The following RNMT variants were observed in gnomAD, a reference collection of about 807,000 sequenced individuals.
The protein encoded by RNMT is RNA guanine-7 methyltransferase.
Under a neutral mutation model 56.0 loss-of-function variants are expected in RNMT, and 27 were observed. The observed-to-expected ratio is 0.48, with a 90% CI of 0.36 to 0.67. The LOEUF is 0.67. Ranked by LOEUF, RNMT falls within the 30% of genes least tolerant of loss-of-function variation. The pLI is 0.00. For synonymous variants in RNMT, 184 were observed against 176.2 expected, an observed-to-expected ratio of 1.04 and a Z score of -0.35; for missense variants, 519 against 552.1, an observed-to-expected ratio of 0.94 and a Z score of 0.60.
At chr18:13,733,227 T>A (rs1334258690) in intron 3 of RNMT, among the ~76,000 whole-genome samples, 2 of 151,944 alleles carry the variant, frequency 1.3e-5, no homozygotes, top group African/African-American at 2.4e-5. Context: ...AAAAGGGAGG[T>A]AGGAGGATCC....
Position 13,761,856 on chromosome 18 carries a change from C to CCCCCCCCCCCCCCCCAG in RNMT, c.*1877_*1878insCCCCCCCCCCCCCCCAG. The CCCCCCCCCCCCCCCCAG allele has an allele frequency of 9.0e-7, 1 of 1,109,872 alleles. No individual in the cohort carries two copies. The highest frequency in any genetic ancestry group is 2.8e-5 in the South Asian group (1 of 35,808). The allele number at this position is 1,109,872 out of a possible 1,614,324, so 68.8% of individuals were successfully genotyped here. On this transcript the variant is annotated 3_prime_UTR_variant, in exon 12 of 12. Transcript: ENST00000383314. ...CCACCACCCTACACCCCCCTCCCCC[C>CCCCCCCCCCCCCCCCAG]GGCCCCAAGCCCCTGTGTCTCCTTG...
In RNMT at chr18:13,745,083, C is replaced by G. The variant is rs562967031; in HGVS notation, c.1140-1137C>G. Among the ~76,000 whole-genome samples the G allele has an allele frequency of 6.6e-5, 10 of 152,206 alleles. 1 individual carries two copies. The South Asian group carries it at 2.1e-3, about 32-fold the overall frequency. Reference sequence around the variant, plus strand: ...GTGTGAGGGCCCAGCAGTGGGAAAGCTAGGCTAGTCCAAGATGTTGAAAGA... The same window carrying G: ...GTGTGAGGGCCCAGCAGTGGGAAAGGTAGGCTAGTCCAAGATGTTGAAAGA... On this transcript the variant is annotated intron_variant, in intron 8 of 11. Transcript: ENST00000383314.
In RNMT at chr18:13,760,082, T is replaced by C; in HGVS notation, c.*103T>C. ...TTTCTCTGTCTGTTGATTTTAATTC[T>C]AAATGTGCAGGATGCTGCCAGAAAC... On this transcript the variant is annotated 3_prime_UTR_variant, in exon 12 of 12. Transcript: ENST00000383314. 6.6e-7 allele frequency: 1 copy of C among 1,509,774 alleles called. No individual in the cohort carries two copies. The highest frequency in any genetic ancestry group is 1.3e-5 in the South Asian group (1 of 74,596). The allele number at this position is 1,509,774 out of a possible 1,614,324, so 93.5% of individuals were successfully genotyped here. A position where few individuals can be genotyped will look rare whatever the true frequency, so the allele number is the denominator to read the frequency against.
In RNMT at chr18:13,760,985, A is replaced by G; in HGVS notation, c.*1006A>G. On this transcript the variant is annotated 3_prime_UTR_variant, in exon 12 of 12. Transcript: ENST00000383314. The stretch of plus-strand genomic sequence containing the variant: ...ACTGTTGTCCTTGCTTTACACCACC[A>G]TTTGGAAAACTTACCAGTTTTTAGA... 4.1e-6 allele frequency: 4 copies of G among 985,426 alleles called. No homozygotes were observed. The highest frequency in any genetic ancestry group is 4.8e-6 in the Non-Finnish European group (4 of 829,912). 61.0% of individuals were successfully genotyped at this position (985,426 alleles called of 1,614,324 possible). A position where few individuals can be genotyped will look rare whatever the true frequency, so the allele number is the denominator to read the frequency against.
chr18:13,761,617 A>G lies in RNMT; in HGVS notation c.*1638A>G. ...AAACGATGGAGTAGCCAGTGGTAAT[A>G]CAAAGCAGGGAGAACAGAAAGGTAG... On this transcript the variant is annotated 3_prime_UTR_variant, in exon 12 of 12. Coordinates refer to ENST00000383314, the MANE Select transcript of RNMT (RefSeq NM_003799.3). 1 of 999,424 alleles carries G rather than the reference A, an allele frequency of 1.0e-6. No homozygotes were observed. The highest frequency in any genetic ancestry group is 1.2e-6 in the Non-Finnish European group (1 of 838,136). The allele number at this position is 999,424 out of a possible 1,614,324, so 61.9% of individuals were successfully genotyped here. A position where few individuals can be genotyped will look rare whatever the true frequency, so the allele number is the denominator to read the frequency against.
chr18:13,749,044 A>C (rs959817294), intron 9 of RNMT, among the ~76,000 whole-genome samples: 1 of 152,150 alleles, frequency 6.6e-6, no homozygotes, highest in Non-Finnish European at 1.5e-5. Flanking sequence ...ACGCCACTGC[A>C]CTCCAGCCTG....
At chr18:13,733,042 TGAG>T (rs1229694943) in intron 3 of RNMT, among the ~76,000 whole-genome samples, 7 of 152,142 alleles carry the variant, frequency 4.6e-5, no homozygotes, top group Non-Finnish European at 1.0e-4. Flanking sequence ...ATTACAGGCA[TGAG>T]CCACTGCGCC....
At chr18:13,752,645 A>G (rs1056378510) in intron 10 of RNMT, among the ~76,000 whole-genome samples, 2 of 152,224 alleles carry the variant, frequency 1.3e-5, no homozygotes, top group Non-Finnish European at 2.9e-5. Flanking sequence ...TAAGGCAATG[A>G]GGACAGTGAA....
intron 6 of RNMT, 83 bp from the exon 7 acceptor site, chr18:13,741,427 C>T (rs954156164): frequency 2.3e-6 from 2 of 851,822 alleles, no homozygotes; most frequent in African/African-American, 1.7e-5. Context: ...AAGAACCTTA[C>T]ATTCTAGAAG....
chr18:13,729,787 A>T (rs964833695), intron 1 of RNMT, among the ~76,000 whole-genome samples: 1 of 151,324 alleles, frequency 6.6e-6, no homozygotes, highest in Non-Finnish European at 1.5e-5. Flanking sequence ...TTAAGCACAA[A>T]CACTTCCTTC....
intron 9 of RNMT, among the ~76,000 whole-genome samples, chr18:13,750,035 C>T (rs971387229): frequency 6.6e-6 from 1 of 152,126 alleles, no homozygotes; most frequent in Non-Finnish European, 1.5e-5. Context: ...GCTGGGGTTA[C>T]AGCATGAGCT....
chr18:13,728,426 C>T (rs2044010415), intron 1 of RNMT, among the ~76,000 whole-genome samples: 1 of 148,096 alleles, frequency 6.8e-6, no homozygotes, highest in South Asian at 2.1e-4. Flanking sequence ...ACCTCCACCT[C>T]CCGGGTTCAA....
intron 3 of RNMT, among the ~76,000 whole-genome samples, chr18:13,734,132 G>T (rs891249987): frequency 6.6e-6 from 1 of 152,076 alleles, no homozygotes; most frequent in East Asian, 1.9e-4. Flanking sequence ...CTTGCCTGCC[G>T]CCATGTAAGA....
In RNMT at chr18:13,741,492, C is replaced by G; in HGVS notation, c.793-18C>G. The G allele has an allele frequency of 6.3e-7, 1 of 1,593,300 alleles. No individual in the cohort carries two copies. The highest frequency in any genetic ancestry group is 8.6e-7 in the Non-Finnish European group (1 of 1,165,468). ...TTGTAGTTACCTCACAATCTTAACTCATTTTAATTTGTTTCAGGAACTTCT... is the reference window on the plus strand; with the variant it reads ...TTGTAGTTACCTCACAATCTTAACTGATTTTAATTTGTTTCAGGAACTTCT... On this transcript the variant is annotated intron_variant, in intron 6 of 11. Transcript: ENST00000383314.
chr18:13,744,540 G>T (rs995403064), intron 8 of RNMT, among the ~76,000 whole-genome samples: 1 of 152,066 alleles, frequency 6.6e-6, no homozygotes, highest in Admixed American at 6.6e-5. Flanking sequence ...AAAATGAACT[G>T]CCTGGAATAA....
chr18:13,761,864 A>ACCCCCC lies in RNMT; in HGVS notation c.*1885_*1886insCCCCCC. ...CTACACCCCCCTCCCCCCGGCCCCA[A>ACCCCCC]GCCCCTGTGTCTCCTTGTTACAATT... is the stretch of plus-strand genomic sequence containing the variant. On this transcript the variant is annotated 3_prime_UTR_variant, in exon 12 of 12. Coordinates refer to ENST00000383314, the MANE Select transcript of RNMT (RefSeq NM_003799.3). 1.1e-6 allele frequency: 1 copy of ACCCCCC among 872,656 alleles called. No individual in the cohort carries two copies. 54.1% of individuals were successfully genotyped at this position (872,656 alleles called of 1,614,324 possible).
Position 13,763,124 on chromosome 18 carries a change from T to C in RNMT, c.*3145T>C. ...GGTACTTGATGGCCTGTTGGTCAAA[T>C]AGGAAGTACAAGTGTGTGATGTTAG... On this transcript the variant is annotated 3_prime_UTR_variant, in exon 12 of 12. Transcript: ENST00000383314. 2.2e-6 allele frequency: 1 copy of C among 455,968 alleles called. No individual in the cohort carries two copies. Among genetic ancestry groups the C allele is most frequent in the Non-Finnish European group, 4.4e-6 (1 of 226,782 alleles). 28.2% of individuals were successfully genotyped at this position (455,968 alleles called of 1,614,324 possible). A position where few individuals can be genotyped will look rare whatever the true frequency, so the allele number is the denominator to read the frequency against.
chr18:13,734,523 T>C lies in RNMT; in HGVS notation c.477T>C (p.Val159=). 1.9e-6 allele frequency: 3 copies of C among 1,613,778 alleles called. No homozygotes were observed. Among genetic ancestry groups the C allele is most frequent in the Non-Finnish European group, 2.5e-6 (3 of 1,179,756 alleles). ...VAAHYNELQE[V]GLEKRSQSRI... The stretch of plus-strand genomic sequence containing the variant: ...CCCATTACAATGAACTTCAGGAAGT[T>C]GGTTTGGAGAAGCGTAGTCAAAGTC... The change falls in exon 4 of 12, where the codon GTT becomes GTC. Residue 159 remains valine (V), a synonymous_variant. Coordinates refer to ENST00000383314, the MANE Select transcript of RNMT (RefSeq NM_003799.3).
At position 13,761,100 on chromosome 18, in the gene RNMT, T is replaced by C. The variant is rs141315397; in HGVS notation, c.*1121T>C. 84 of 985,062 alleles carry C rather than the reference T, an allele frequency of 8.5e-5. No homozygotes were observed. In the African/African-American group the frequency reaches 1.4e-3, roughly 16 times the overall value. The allele number at this position is 985,062 out of a possible 1,614,324, so 61.0% of individuals were successfully genotyped here. On this transcript the variant is annotated 3_prime_UTR_variant, in exon 12 of 12. Transcript: ENST00000383314. ...AAGCCATGATTTACAAAAACATTACTTTCTGTAATTCACAATACTTGTTTT... is the reference window on the plus strand; with the variant it reads ...AAGCCATGATTTACAAAAACATTACCTTCTGTAATTCACAATACTTGTTTT...
Sources: allele counts gnomAD v4.1 joint callset (sites outside exome capture counted in the v4.1 genomes callset), GRCh38; gene constraint gnomAD v4.1.1; transcripts MANE v1.5; gene names NCBI Gene and HGNC (gene_info 2026-07-23, HGNC 2026-07-21).